AKAP13: variants seen among roughly 807,000 people sequenced by gnomAD.
AKAP13 encodes the protein A-kinase anchor protein 13.
A neutral mutation model predicts 264.5 loss-of-function variants in AKAP13; 80 were observed. The observed-to-expected ratio is 0.30, with a 90% CI of 0.25 to 0.36. The LOEUF is 0.36. Among genes scored for constraint, AKAP13 ranks in the 10% least tolerant of loss-of-function variants. The pLI is 1.00. For missense variants in AKAP13, 3,712 were observed against 3,435.2 expected, an observed-to-expected ratio of 1.08 and a Z score of -2.01; for synonymous variants, 1,380 against 1,250.2, an observed-to-expected ratio of 1.10 and a Z score of -2.19.
Position 85,727,577 on chromosome 15 carries a change from G to C in AKAP13, c.7087+114G>C. 4.3e-6 allele frequency: 5 copies of C among 1,170,280 alleles called. No individual in the cohort carries two copies. Among genetic ancestry groups the C allele is most frequent in the Non-Finnish European group, 4.9e-6 (4 of 815,908 alleles). 72.5% of individuals were successfully genotyped at this position (1,170,280 alleles called of 1,614,324 possible). The stretch of plus-strand genomic sequence containing the variant: ...CCTCAGTTCTAAAGCTGCCCCAGCA[G>C]GCACTTGAAAGCAGCAAAATGAATA... On this transcript the variant is annotated intron_variant, in intron 29 of 36. Coordinates refer to ENST00000394518, the MANE Select transcript of AKAP13 (RefSeq NM_007200.5). This position sits in a 1 kb window ranked among gnomAD's most constrained non-coding sequence, Gnocchi z 5.3.
rs773727637 is a variant in AKAP13, at chr15:85,743,852, G to C, written c.8392+27G>C. The stretch of plus-strand genomic sequence containing the variant: ...TGAGTCACGCACACCTGCTCTCCCT[G>C]TGGCCATAGTGTCTGTGCATTCTGA... On this transcript the variant is annotated intron_variant, in intron 36 of 36. Transcript: ENST00000394518. 2.5e-6 allele frequency: 4 copies of C among 1,580,452 alleles called. No homozygotes were observed. In the Admixed American group the frequency reaches 7.2e-5, roughly 29 times the overall value.
At chr15:85,583,648 G>T (rs2079214685) in intron 7 of AKAP13, among the ~76,000 whole-genome samples, 3 of 152,340 alleles carry the variant, frequency 2.0e-5, no homozygotes, top group African/African-American at 7.2e-5. Context: ...GGCCACATGG[G>T]CCGGAATTAT....
At chr15:85,605,400 C>T (rs1254452673) in intron 8 of AKAP13, among the ~76,000 whole-genome samples, 1 of 152,102 alleles carries the variant, frequency 6.6e-6, no homozygotes, top group Non-Finnish European at 1.5e-5. Context: ...CATGTTCTCA[C>T]TTATAAGGGG....
At chr15:85,546,855 T>C (rs2077766514) in intron 5 of AKAP13, among the ~76,000 whole-genome samples, 1 of 152,098 alleles carries the variant, frequency 6.6e-6, no homozygotes, top group African/African-American at 2.4e-5. Flanking sequence ...GCAATTCTTC[T>C]GCCTCAGCCT....
intron 15 of AKAP13, 64 bp downstream of exon 15, chr15:85,682,276 C>T: frequency 1.3e-6 from 2 of 1,505,152 alleles, no homozygotes; most frequent in Admixed American, 1.8e-5. Flanking sequence ...ATCTCTTAGG[C>T]CATTTAATTA....
intron 2 of AKAP13, among the ~76,000 whole-genome samples, chr15:85,504,532 A>AAAAAAAAG (rs2076143719): frequency 8.0e-6 from 1 of 124,422 alleles, no homozygotes; most frequent in African/African-American, 3.2e-5. Context: ...AAAAAAAAAA[A>AAAAAAAAG]AAAGAAAAAA....
At chr15:85,558,609 G>T (rs2078235565) in intron 5 of AKAP13, among the ~76,000 whole-genome samples, 1 of 152,164 alleles carries the variant, frequency 6.6e-6, no homozygotes, top group South Asian at 2.1e-4. Context: ...TGTGATTAAA[G>T]TTACCAGTTT....
rs1400705631 is a variant in AKAP13 at position 85,640,083 on chromosome 15, CA to C, written c.4237+636del. On this transcript the variant is annotated intron_variant, in intron 9 of 36. Coordinates refer to ENST00000394518, the MANE Select transcript of AKAP13 (RefSeq NM_007200.5). Reference sequence around the variant, plus strand: ...ATAGCTTGTGATTAGTTAGGATTCCCAACTTTTAAACCAGGTCCAGCCTCTA... The same window carrying C: ...ATAGCTTGTGATTAGTTAGGATTCCCACTTTTAAACCAGGTCCAGCCTCTA... Among the ~76,000 whole-genome samples, 7 of 152,256 alleles carry C rather than the reference CA, an allele frequency of 4.6e-5. No homozygotes were observed. In the South Asian group the frequency reaches 1.0e-3, roughly 23 times the overall value.
chr15:85,632,181 T>A (rs2081865645), intron 8 of AKAP13, among the ~76,000 whole-genome samples: 1 of 152,044 alleles, frequency 6.6e-6, no homozygotes, highest in Admixed American at 6.6e-5. Flanking sequence ...CATTCTAGGG[T>A]CAGAGACAGG....
At chr15:85,620,072 C>A in intron 8 of AKAP13, 1 of 1,536,004 alleles carries the variant, frequency 6.5e-7, no homozygotes, top group Non-Finnish European at 8.7e-7. Context: ...TTTCTCTGTT[C>A]TTTCTTGCAT....
At chr15:85,427,530 C>T (rs917721653) in intron 1 of AKAP13, among the ~76,000 whole-genome samples, 2 of 152,050 alleles carry the variant, frequency 1.3e-5, no homozygotes, top group South Asian at 2.1e-4. Context: ...CGCACACACA[C>T]GCTTTAAAAG....
chr15:85,447,149 C>T (rs1259500023), intron 1 of AKAP13, among the ~76,000 whole-genome samples: 1 of 152,058 alleles, frequency 6.6e-6, no homozygotes, highest in Non-Finnish European at 1.5e-5. Context: ...CACCTGTAAT[C>T]CCAGCTACTT....
rs947842434 is a variant in AKAP13 at position 85,744,837 on chromosome 15, T to C, written c.*160T>C. 1.7e-6 allele frequency: 1 copy of C among 590,900 alleles called. No individual in the cohort carries two copies. The highest frequency in any genetic ancestry group is 2.3e-5 in the South Asian group (1 of 43,668). The allele number at this position is 590,900 out of a possible 1,614,324, so 36.6% of individuals were successfully genotyped here. ...GTCCTGGACAATAAGCAACAGATGATATTGAGTGTCGGGTGGGGAAGGAGG... is the reference window on the plus strand; with the variant it reads ...GTCCTGGACAATAAGCAACAGATGACATTGAGTGTCGGGTGGGGAAGGAGG... On this transcript the variant is annotated 3_prime_UTR_variant, in exon 37 of 37. Coordinates refer to ENST00000394518, the MANE Select transcript of AKAP13 (RefSeq NM_007200.5).
intron 1 of AKAP13, among the ~76,000 whole-genome samples, chr15:85,424,128 A>T (rs925729633): frequency 6.6e-6 from 1 of 152,228 alleles, no homozygotes. Flanking sequence ...ACTTAAAGTC[A>T]TCAGCTGCAT....
intron 2 of AKAP13, among the ~76,000 whole-genome samples, chr15:85,513,863 A>G (rs1025364870): frequency 1.1e-5 from 1 of 91,858 alleles, no homozygotes; most frequent in Non-Finnish European, 2.2e-5. Flanking sequence ...GATTAGGTTG[A>G]GGGCTTGCAT....
At chr15:85,620,207 C>G (rs1233698492) in intron 8 of AKAP13, 5 of 1,532,288 alleles carry the variant, frequency 3.3e-6, no homozygotes, top group Non-Finnish European at 3.5e-6. Flanking sequence ...TTCTGAAGCT[C>G]TGCAGGCTGT....
At chr15:85,698,566 T>G (rs1433097189) in intron 17 of AKAP13, among the ~76,000 whole-genome samples, 2 of 151,572 alleles carry the variant, frequency 1.3e-5, no homozygotes, top group Admixed American at 1.3e-4. Flanking sequence ...TTGCAGCCCA[T>G]CAGGTCTTTG....
At chr15:85,441,964 T>C (rs2073670408) in intron 1 of AKAP13, among the ~76,000 whole-genome samples, 1 of 152,174 alleles carries the variant, frequency 6.6e-6, no homozygotes, top group Non-Finnish European at 1.5e-5. Context: ...TTCACAGTCT[T>C]TGGGAACAAC....
intron 5 of AKAP13, among the ~76,000 whole-genome samples, chr15:85,554,191 T>C (rs1222176370): frequency 6.6e-6 from 1 of 152,210 alleles, no homozygotes; most frequent in Non-Finnish European, 1.5e-5. Context: ...CTGAACTTGG[T>C]GTGTCCCTAT....
Sources: allele counts gnomAD v4.1 joint callset (sites outside exome capture counted in the v4.1 genomes callset), GRCh38; gene constraint gnomAD v4.1.1; non-coding constraint Gnocchi (gnomAD v3.1); transcripts MANE v1.5; gene names NCBI Gene and HGNC (gene_info 2026-07-23, HGNC 2026-07-21).